Variants in PEX3 observed in about 807,000 individuals in gnomAD.
The protein encoded by PEX3 is peroxisomal biogenesis factor 3, also known as peroxin-3.
Under a neutral mutation model 55.8 loss-of-function variants are expected in PEX3, and 30 were observed. That is an observed-to-expected ratio of 0.54 (90% CI 0.40 to 0.73). The LOEUF is 0.73. Among genes scored for constraint, PEX3 ranks in the 30% least tolerant of loss-of-function variants. The pLI is 0.00. For missense variants in PEX3, 351 were observed against 432.8 expected (o/e 0.81, Z 1.68); for synonymous variants, 135 against 148.4 (o/e 0.91, Z 0.66).
chr6:143,485,253 G>A lies in PEX3; in HGVS notation c.1038+5G>A. On this transcript the variant is annotated splice_donor_5th_base_variant and intron_variant, in intron 11 of 11. Coordinates refer to ENST00000367591, the MANE Select transcript of PEX3 (RefSeq NM_003630.3). The surrounding 1 kb of genome is among the most constrained non-coding windows in gnomAD (Gnocchi z 5.6). ...ACACCTAGTCATTTTGTTCAGGTAA[G>A]AAGAAAGCTTGGGAGTGTTATTAAA... The A allele has an allele frequency of 6.7e-7, 1 of 1,498,996 alleles. No homozygotes were observed. The highest frequency in any genetic ancestry group is 9.3e-7 in the Non-Finnish European group (1 of 1,075,346). 92.9% of individuals were successfully genotyped at this position (1,498,996 alleles called of 1,614,324 possible). A position where few individuals can be genotyped will look rare whatever the true frequency, so the allele number is the denominator to read the frequency against.
intron 4 of PEX3, among the ~76,000 whole-genome samples, chr6:143,469,304 T>A (rs1780038723): frequency 1.3e-5 from 2 of 152,164 alleles, no homozygotes; most frequent in Admixed American, 6.5e-5. Flanking sequence ...AGTGTAAAAG[T>A]GTTCCTATTT....
At chr6:143,455,606 T>G (rs1779835542) in intron 1 of PEX3, among the ~76,000 whole-genome samples, 1 of 151,968 alleles carries the variant, frequency 6.6e-6, no homozygotes, top group African/African-American at 2.4e-5. Flanking sequence ...GAAACCACAT[T>G]AAGAAATGAT....
Position 143,464,978 on chromosome 6 carries a change from C to G in PEX3, c.287+1981C>G, listed in dbSNP as rs543129572. 4.5e-4 allele frequency among the ~76,000 whole-genome samples: 69 copies of G among 151,926 alleles called. No individual in the cohort carries two copies. Among genetic ancestry groups the G allele is most frequent in the South Asian group, 1.0e-3 (5 of 4,814 alleles). On this transcript the variant is annotated intron_variant, in intron 3 of 11. Transcript: ENST00000367591. This position sits in a 1 kb window ranked among gnomAD's most constrained non-coding sequence, Gnocchi z 5.8. ...TTCATAACAGCAAATAAACAGTTAT[C>G]ACTGTTTTTGATATTTGGCACTCTT...
In PEX3 at chr6:143,451,127, C is replaced by T. The variant is rs570831182; in HGVS notation, c.73+12C>T. The T allele has an allele frequency of 1.9e-6, 3 of 1,598,252 alleles. No individual in the cohort carries two copies. The East Asian group carries it at 6.7e-5, about 36-fold the overall frequency. Reference sequence around the variant, plus strand: ...CACGGTCCTTGGAGGTGGGTGACAACGTGCTTGAAAGGGGGCATTGGGAGA... The same window carrying T: ...CACGGTCCTTGGAGGTGGGTGACAATGTGCTTGAAAGGGGGCATTGGGAGA... On this transcript the variant is annotated intron_variant, in intron 1 of 11. Transcript: ENST00000367591. This position sits in a 1 kb window ranked among gnomAD's most constrained non-coding sequence, Gnocchi z 4.1.
rs1780150582 is a variant in PEX3 at position 143,476,113 on chromosome 6, GGCCTCTTTGAGGAGAT to G, written c.818+1259_818+1274del. On this transcript the variant is annotated intron_variant, in intron 9 of 11. Coordinates refer to ENST00000367591, the MANE Select transcript of PEX3 (RefSeq NM_003630.3). The surrounding 1 kb of genome is among the most constrained non-coding windows in gnomAD (Gnocchi z 5.4). ...TGTTTGTAATAGGTTGGTCAGAAAA[GGCCTCTTTGAGGAGAT>G]GTCATTTGAGCAGAGACCTGAATAT... Among the ~76,000 whole-genome samples the G allele has an allele frequency of 6.6e-6, 1 of 152,218 alleles. No homozygotes were observed. Among genetic ancestry groups the G allele is most frequent in the South Asian group, 2.1e-4 (1 of 4,830 alleles).
At chr6:143,472,121 A>G (rs1396232458) in intron 7 of PEX3, 39 bp from the exon 8 acceptor site, 39 of 1,362,060 alleles carry the variant, frequency 2.9e-5, no homozygotes, top group Non-Finnish European at 4.0e-5. Flanking sequence ...TGTGTTGTAT[A>G]GTTTCTATTT....
intron 8 of PEX3, 57 bp from the exon 9 acceptor site, chr6:143,474,729 C>A: frequency 2.3e-6 from 2 of 881,382 alleles, no homozygotes; most frequent in South Asian, 1.3e-5. Context: ...TGATTAGTTT[C>A]ATCATAACCC....
chr6:143,459,297 A>G lies in PEX3; in HGVS notation c.205+81A>G. The G allele has an allele frequency of 8.4e-7, 1 of 1,193,826 alleles. No individual in the cohort carries two copies. Among genetic ancestry groups the G allele is most frequent in the Non-Finnish European group, 1.2e-6 (1 of 801,134 alleles). 74.0% of individuals were successfully genotyped at this position (1,193,826 alleles called of 1,614,324 possible). On this transcript the variant is annotated intron_variant, in intron 2 of 11. Transcript: ENST00000367591. The surrounding 1 kb of genome is among the most constrained non-coding windows in gnomAD (Gnocchi z 4.2). ...TGCATATCACCGGGATCAAATTTAG[A>G]GGAAAAGGCAAAGAAAAGATGGTAA...
chr6:143,489,501 G>A lies in PEX3; in HGVS notation c.*275G>A, dbSNP rs1479431482. 9.4e-6 allele frequency: 2 copies of A among 211,962 alleles called. No homozygotes were observed. The highest frequency in any genetic ancestry group is 2.3e-4 in the East Asian group (2 of 8,672). The allele number at this position is 211,962 out of a possible 1,614,324, so 13.1% of individuals were successfully genotyped here. Reference sequence around the variant, plus strand: ...TACACATGGACATTTGTTCCAAACTGACTAAAAATCAATATAGATATTTTA... The same window carrying A: ...TACACATGGACATTTGTTCCAAACTAACTAAAAATCAATATAGATATTTTA... On this transcript the variant is annotated 3_prime_UTR_variant, in exon 12 of 12. Transcript: ENST00000367591. This position sits in a 1 kb window ranked among gnomAD's most constrained non-coding sequence, Gnocchi z 5.5.
chr6:143,455,171 A>ATTTTCTTTTCTTTTCTTTTG (rs1779826118), intron 1 of PEX3, among the ~76,000 whole-genome samples: 1 of 143,858 alleles, frequency 7.0e-6, no homozygotes, highest in African/African-American at 2.7e-5. Context: ...ATTTGGGGGT[A>ATTTTCTTTTCTTTTCTTTTG]TTTTCTTTTC....
intron 10 of PEX3, among the ~76,000 whole-genome samples, chr6:143,481,140 G>C (rs888021133): frequency 1.8e-5 from 2 of 110,302 alleles, no homozygotes; most frequent in African/African-American, 9.3e-5. Context: ...ACTAATAAAG[G>C]CTTTAATTTA....
chr6:143,489,771 T>C lies in PEX3; in HGVS notation c.*545T>C, dbSNP rs939871043. ...GAGGACTTTTTTATTCTTATGGAAA[T>C]AGTGAATTCCAACAACTATGATGAA... On this transcript the variant is annotated 3_prime_UTR_variant, in exon 12 of 12. Coordinates refer to ENST00000367591, the MANE Select transcript of PEX3 (RefSeq NM_003630.3). The surrounding 1 kb of genome is among the most constrained non-coding windows in gnomAD (Gnocchi z 5.5). 2 of 152,020 alleles carry C rather than the reference T, an allele frequency of 1.3e-5. No individual in the cohort carries two copies. Among genetic ancestry groups the C allele is most frequent in the Admixed American group, 1.3e-4 (2 of 15,258 alleles). The allele number at this position is 152,020 out of a possible 1,614,324, so 9.4% of individuals were successfully genotyped here. A position where few individuals can be genotyped will look rare whatever the true frequency, so the allele number is the denominator to read the frequency against.
In PEX3 at chr6:143,454,358, A is replaced by T. The variant is rs1433107893; in HGVS notation, c.73+3243A>T. Among the ~76,000 whole-genome samples, 1 of 152,254 alleles carries T rather than the reference A, an allele frequency of 6.6e-6. No individual in the cohort carries two copies. The highest frequency in any genetic ancestry group is 1.9e-4 in the East Asian group (1 of 5,204). On this transcript the variant is annotated intron_variant, in intron 1 of 11. Transcript: ENST00000367591. The surrounding 1 kb of genome is among the most constrained non-coding windows in gnomAD (Gnocchi z 4.3). The stretch of plus-strand genomic sequence containing the variant: ...AAGACCCCAGGGGTGCCCATGCCAC[A>T]CTTTGAGAACCATTGCACTGGAAAA...
rs1780087323 is a variant in PEX3 at position 143,472,416 on chromosome 6, G to A, written c.747+88G>A. The A allele has an allele frequency of 4.4e-6, 4 of 911,312 alleles. No homozygotes were observed. In the Admixed American group the frequency reaches 7.5e-5, roughly 17 times the overall value. The allele number at this position is 911,312 out of a possible 1,614,324, so 56.5% of individuals were successfully genotyped here. ...TGAAATTTTGATTTCTGAGTCTCTT[G>A]AAAGGTAAGTGATTGAAAAGCATAT... On this transcript the variant is annotated intron_variant, in intron 8 of 11. Coordinates refer to ENST00000367591, the MANE Select transcript of PEX3 (RefSeq NM_003630.3).
rs1779815767 is a variant in PEX3 at position 143,454,454 on chromosome 6, T to A, written c.73+3339T>A. 6.6e-6 allele frequency among the ~76,000 whole-genome samples: 1 copy of A among 152,218 alleles called. No individual in the cohort carries two copies. Among genetic ancestry groups the A allele is most frequent in the Non-Finnish European group, 1.5e-5 (1 of 68,040 alleles). On this transcript the variant is annotated intron_variant, in intron 1 of 11. Coordinates refer to ENST00000367591, the MANE Select transcript of PEX3 (RefSeq NM_003630.3). The surrounding 1 kb of genome is among the most constrained non-coding windows in gnomAD (Gnocchi z 4.3). Reference sequence around the variant, plus strand: ...CTGGTTTCTGAAAACCTCAGAACATTGACTTGGATTTATACCTTAAATCCT... The same window carrying A: ...CTGGTTTCTGAAAACCTCAGAACATAGACTTGGATTTATACCTTAAATCCT...
intron 4 of PEX3, among the ~76,000 whole-genome samples, chr6:143,470,620 T>A (rs1383547554): frequency 6.6e-6 from 1 of 152,240 alleles, no homozygotes; most frequent in Non-Finnish European, 1.5e-5. Flanking sequence ...AGCCTTCTTC[T>A]CTTACTTGAA....
rs947383195 is a variant in PEX3, at chr6:143,471,329, C to G, written c.457-54C>G. 1.4e-5 allele frequency: 19 copies of G among 1,319,754 alleles called. No homozygotes were observed. Among genetic ancestry groups the G allele is most frequent in the Non-Finnish European group, 1.9e-5 (17 of 916,990 alleles). 81.8% of individuals were successfully genotyped at this position (1,319,754 alleles called of 1,614,324 possible). ...AGCCAAAGTTTTATTGAAAACATTTCTTATTTACCAGTTTAAAACTTGGAT... is the reference window on the plus strand; with the variant it reads ...AGCCAAAGTTTTATTGAAAACATTTGTTATTTACCAGTTTAAAACTTGGAT... On this transcript the variant is annotated intron_variant, in intron 5 of 11. Coordinates refer to ENST00000367591, the MANE Select transcript of PEX3 (RefSeq NM_003630.3). The surrounding 1 kb of genome is among the most constrained non-coding windows in gnomAD (Gnocchi z 5.4).
rs756088246 is a variant in PEX3, at chr6:143,486,077, C to T, written c.1038+829C>T. 1.3e-5 allele frequency among the ~76,000 whole-genome samples: 2 copies of T among 152,110 alleles called. No individual in the cohort carries two copies. Among genetic ancestry groups the T allele is most frequent in the South Asian group, 2.1e-4 (1 of 4,834 alleles). On this transcript the variant is annotated intron_variant, in intron 11 of 11. Coordinates refer to ENST00000367591, the MANE Select transcript of PEX3 (RefSeq NM_003630.3). This position sits in a 1 kb window ranked among gnomAD's most constrained non-coding sequence, Gnocchi z 5.0. ...GTGGAGAGCACTGAGACTAAGAGTT[C>T]GTTTCCTCCTTTCACTGTGGTGTCA...
rs1779893932 is a variant in PEX3 at position 143,459,722 on chromosome 6, G to A, written c.205+506G>A. 6.6e-6 allele frequency among the ~76,000 whole-genome samples: 1 copy of A among 152,186 alleles called. No individual in the cohort carries two copies. Among genetic ancestry groups the A allele is most frequent in the African/African-American group, 2.4e-5 (1 of 41,438 alleles). ...TGGTACTCTCAGGACACAGCAAAAA[G>A]GCCATGTAGCTAGAGCAGAATGAAC... On this transcript the variant is annotated intron_variant, in intron 2 of 11. Coordinates refer to ENST00000367591, the MANE Select transcript of PEX3 (RefSeq NM_003630.3). This position sits in a 1 kb window ranked among gnomAD's most constrained non-coding sequence, Gnocchi z 4.2.
Sources: allele counts gnomAD v4.1 joint callset (sites outside exome capture counted in the v4.1 genomes callset), GRCh38; gene constraint gnomAD v4.1.1; non-coding constraint Gnocchi (gnomAD v3.1); transcripts MANE v1.5; gene names NCBI Gene and HGNC (gene_info 2026-07-23, HGNC 2026-07-21).